Variants in FHL5 observed in about 807,000 individuals in gnomAD.
FHL5 encodes four and a half LIM domains 5, also known as four and a half LIM domains protein 5.
FHL5 carries 33 observed loss-of-function variants against 32.0 expected under a neutral mutation model. That is an observed-to-expected ratio of 1.03 (90% CI 0.78 to 1.38). The LOEUF is 1.38. Among genes scored for constraint, FHL5 ranks in the 40% most tolerant of loss-of-function variants. FHL5 has a pLI of 0.00. For synonymous variants in FHL5, 114 were observed against 113.6 expected (o/e 1.00, Z -0.02); for missense variants, 336 against 343.9 (o/e 0.98, Z 0.18).
At chr6:96,580,757 C>T (rs538721014) in intron 1 of FHL5, among the ~76,000 whole-genome samples, 1 of 152,246 alleles carries the variant, frequency 6.6e-6, no homozygotes, top group Admixed American at 6.5e-5. Context: ...TTATTTATTG[C>T]TCTTAGTTGA....
In FHL5 at chr6:96,616,049, A is replaced by G. The variant is rs1338490779; in HGVS notation, c.*277A>G. The G allele has an allele frequency of 4.6e-6, 1 of 215,662 alleles. No homozygotes were observed. Among genetic ancestry groups the G allele is most frequent in the African/African-American group, 2.3e-5 (1 of 43,592 alleles). 13.4% of individuals were successfully genotyped at this position (215,662 alleles called of 1,614,324 possible). A position where few individuals can be genotyped will look rare whatever the true frequency, so the allele number is the denominator to read the frequency against. On this transcript the variant is annotated 3_prime_UTR_variant, in exon 6 of 6. Transcript: ENST00000450218. ...GGAAAATATCTCTTCATAATCAAATATATGACATATACCTAGGAGCTGTGG... is the reference window on the plus strand; with the variant it reads ...GGAAAATATCTCTTCATAATCAAATGTATGACATATACCTAGGAGCTGTGG...
At chr6:96,587,024 C>A (rs933933031) in intron 1 of FHL5, among the ~76,000 whole-genome samples, 1 of 152,160 alleles carries the variant, frequency 6.6e-6, no homozygotes, top group African/African-American at 2.4e-5. Flanking sequence ...GTGGTCCAGT[C>A]AAAGCCAAAG....
chr6:96,612,240 T>C (rs988754514), intron 5 of FHL5, among the ~76,000 whole-genome samples: 1 of 152,202 alleles, frequency 6.6e-6, no homozygotes, highest in African/African-American at 2.4e-5. Flanking sequence ...AGATCTCCAC[T>C]GATTTTAGTT....
chr6:96,602,969 A>C (rs1386837333), intron 1 of FHL5, among the ~76,000 whole-genome samples: 3 of 152,126 alleles, frequency 2.0e-5, no homozygotes, highest in African/African-American at 4.8e-5. Context: ...AAGATATCTA[A>C]AGCTAGCAGA....
At chr6:96,582,457 A>T (rs1770714295) in intron 1 of FHL5, among the ~76,000 whole-genome samples, 1 of 152,096 alleles carries the variant, frequency 6.6e-6, no homozygotes, top group Non-Finnish European at 1.5e-5. Flanking sequence ...TATATACTGT[A>T]TTTTACTTCT....
intron 1 of FHL5, among the ~76,000 whole-genome samples, chr6:96,588,293 C>T (rs1472175381): frequency 1.3e-5 from 2 of 152,218 alleles, no homozygotes; most frequent in Admixed American, 6.5e-5. Flanking sequence ...TCACTGCAAC[C>T]TCCACCTCCC....
intron 1 of FHL5, among the ~76,000 whole-genome samples, chr6:96,585,154 A>G (rs1770773098): frequency 6.6e-6 from 1 of 152,226 alleles, no homozygotes; most frequent in South Asian, 2.1e-4. Flanking sequence ...TAGATTCTTC[A>G]TCCAGTTTCT....
At chr6:96,587,406 T>G (rs1245547470) in intron 1 of FHL5, among the ~76,000 whole-genome samples, 1 of 152,220 alleles carries the variant, frequency 6.6e-6, no homozygotes, top group African/African-American at 2.4e-5. Context: ...TACATTTACA[T>G]GGTTAAATTC....
At chr6:96,592,930 T>C (rs922483384) in intron 1 of FHL5, among the ~76,000 whole-genome samples, 2 of 152,186 alleles carry the variant, frequency 1.3e-5, no homozygotes, top group Non-Finnish European at 2.9e-5. Context: ...TTGGGGCATG[T>C]ATTTTGTCAG....
chr6:96,566,844 A>AT (rs1478076034), intron 1 of FHL5, among the ~76,000 whole-genome samples: 2 of 151,466 alleles, frequency 1.3e-5, no homozygotes, highest in African/African-American at 2.4e-5. Context: ...TTCTAATGTG[A>AT]TTTTTTATTT....
chr6:96,574,743 A>G (rs546089017), intron 1 of FHL5, among the ~76,000 whole-genome samples: 4 of 152,300 alleles, frequency 2.6e-5, no homozygotes, highest in African/African-American at 9.6e-5. Context: ...TAAATATAAA[A>G]TGGTTAAGAG....
chr6:96,579,515 T>G (rs1466418303), intron 1 of FHL5, among the ~76,000 whole-genome samples: 3 of 152,180 alleles, frequency 2.0e-5, no homozygotes, highest in Non-Finnish European at 4.4e-5. Flanking sequence ...AGATAGTACA[T>G]ATTGCTCTAA....
At chr6:96,607,038 AC>A (rs570132425) in intron 4 of FHL5, among the ~76,000 whole-genome samples, 148 of 152,254 alleles carry the variant, frequency 9.7e-4, no homozygotes, top group African/African-American at 3.4e-3. Context: ...CTCAAAAAAA[AC>A]ATTTTCTAAG....
intron 1 of FHL5, among the ~76,000 whole-genome samples, chr6:96,593,253 G>A (rs1419696053): frequency 1.3e-5 from 2 of 151,798 alleles, no homozygotes; most frequent in African/African-American, 2.4e-5. Flanking sequence ...AACATATTAA[G>A]GATAGTTTTA....
In FHL5 at chr6:96,616,819, A is replaced by G. The variant is rs533053167; in HGVS notation, c.*1047A>G. On this transcript the variant is annotated 3_prime_UTR_variant, in exon 6 of 6. Transcript: ENST00000450218. Reference sequence around the variant, plus strand: ...GGCTTTAAAGAAATCTAGTAATAATAAAAGCTGAAAAAGAATAATTCACTG... The same window carrying G: ...GGCTTTAAAGAAATCTAGTAATAATGAAAGCTGAAAAAGAATAATTCACTG... 1.3e-5 allele frequency among the ~76,000 whole-genome samples: 2 copies of G among 152,324 alleles called. No individual in the cohort carries two copies. Among genetic ancestry groups the G allele is most frequent in the African/African-American group, 4.8e-5 (2 of 41,574 alleles).
intron 1 of FHL5, among the ~76,000 whole-genome samples, chr6:96,589,287 A>G (rs1462114171): frequency 6.6e-6 from 1 of 152,134 alleles, no homozygotes; most frequent in Non-Finnish European, 1.5e-5. Flanking sequence ...TTAAAGTTTC[A>G]GATACATCTT....
At chr6:96,596,971 C>T (rs1771048711) in intron 1 of FHL5, among the ~76,000 whole-genome samples, 1 of 152,068 alleles carries the variant, frequency 6.6e-6, no homozygotes, top group Non-Finnish European at 1.5e-5. Flanking sequence ...TTAAGTCCTA[C>T]TGCATCTTGC....
At chr6:96,606,338 G>T (rs1279521869) in intron 4 of FHL5, among the ~76,000 whole-genome samples, 1 of 151,500 alleles carries the variant, frequency 6.6e-6, no homozygotes, top group African/African-American at 2.4e-5. Flanking sequence ...TCATTTCACT[G>T]TTTTTTGTTG....
chr6:96,607,680 C>T (rs562890331), intron 4 of FHL5, among the ~76,000 whole-genome samples: 8 of 152,102 alleles, frequency 5.3e-5, no homozygotes, highest in Admixed American at 2.0e-4. Flanking sequence ...GGGTCAATGA[C>T]GGCATTTAAA....
Sources: gnomAD v4.1 joint callset for allele counts (sites outside exome capture counted in the v4.1 genomes callset) on GRCh38, gnomAD v4.1.1 for gene constraint, MANE v1.5 for transcripts, NCBI Gene and HGNC (gene_info 2026-07-23, HGNC 2026-07-21) for gene names.